The following NTRK1 variants were observed in gnomAD, a reference collection of about 807,000 sequenced individuals.
The protein encoded by NTRK1 is high affinity nerve growth factor receptor.
NTRK1 carries 62 observed loss-of-function variants against 86.8 expected under a neutral mutation model. That is an observed-to-expected ratio of 0.71 (90% CI 0.58 to 0.88). The LOEUF is 0.88. Among genes scored for constraint, NTRK1 ranks in the 40% least tolerant of loss-of-function variants. NTRK1 has a pLI of 0.00. For synonymous variants in NTRK1, 469 were observed against 456.6 expected, an observed-to-expected ratio of 1.03 and a Z score of -0.35; for missense variants, 967 against 1,078.4, an observed-to-expected ratio of 0.90 and a Z score of 1.45.
At chr1:156,843,173 C>G in intron 2 of NTRK1, 1 of 1,614,118 alleles carries the variant, frequency 6.2e-7, no homozygotes, top group African/African-American at 1.3e-5. Context: ...AGAGCCCTGG[C>G]CCAGTTCCCG....
intron 6 of NTRK1, among the ~76,000 whole-genome samples, chr1:156,869,789 A>G (rs1266235433): frequency 2.0e-5 from 3 of 152,238 alleles, no homozygotes. Flanking sequence ...AGCCACAGGT[A>G]ACTCAGTCGG....
chr1:156,866,244 A>G (rs1288306107), intron 3 of NTRK1, among the ~76,000 whole-genome samples: 1 of 152,218 alleles, frequency 6.6e-6, no homozygotes, highest in Non-Finnish European at 1.5e-5. Flanking sequence ...TCAGAGGCAG[A>G]GGGTCCCAGC....
At chr1:156,842,554 C>T (rs974807221) in intron 2 of NTRK1, 3 of 1,495,440 alleles carry the variant, frequency 2.0e-6, no homozygotes, top group Non-Finnish European at 2.8e-6. Context: ...TCCCCTTGAC[C>T]CATTTGGCCA....
At chr1:156,828,623 T>G (rs1654385487) in intron 1 of NTRK1, among the ~76,000 whole-genome samples, 1 of 152,202 alleles carries the variant, frequency 6.6e-6, no homozygotes, top group South Asian at 2.1e-4. Flanking sequence ...GGCACCCGCG[T>G]GGACGAGGAT....
intron 3 of NTRK1, among the ~76,000 whole-genome samples, chr1:156,865,249 C>T (rs1383890998): frequency 3.3e-5 from 5 of 152,176 alleles, no homozygotes; most frequent in Non-Finnish European, 7.4e-5. Flanking sequence ...ACTATCCCTC[C>T]TGTAGAGCAG....
intron 1 of NTRK1, among the ~76,000 whole-genome samples, chr1:156,825,181 A>C (rs527968752): frequency 1.4e-3 from 208 of 152,260 alleles, no homozygotes; most frequent in Non-Finnish European, 2.3e-3. Context: ...GAGCCACTGC[A>C]CCTGGCCCAG....
At chr1:156,878,802 A>T (rs574301950) in intron 14 of NTRK1, among the ~76,000 whole-genome samples, 1 of 152,146 alleles carries the variant, frequency 6.6e-6, no homozygotes, top group East Asian at 1.9e-4. Flanking sequence ...CCGAGCTCCA[A>T]TTGGCAAGGG....
chr1:156,863,349 A>G (rs934724352), intron 1 of NTRK1, among the ~76,000 whole-genome samples: 1 of 144,738 alleles, frequency 6.9e-6, no homozygotes, highest in Non-Finnish European at 1.5e-5. Flanking sequence ...TCTCTGTTTC[A>G]CTCTCTCTTT....
Position 156,881,482 on chromosome 1 carries a change from G to C in NTRK1, c.2231G>C (p.Arg744Pro), listed in dbSNP as rs751281792. The C allele has an allele frequency of 6.3e-7, 1 of 1,582,496 alleles. No individual in the cohort carries two copies. The highest frequency in any genetic ancestry group is 8.6e-7 in the Non-Finnish European group (1 of 1,164,278). ...GCAATCGACTGCATCACGCAGGGAC[G>C]TGAGTTGGAGCGGCCACGTGCCTGC... ...TEAIDCITQG[R>P]ELERPRACPP... The change falls in exon 17 of 17, where the codon CGT becomes CCT. Residue 744 changes from arginine to proline, a missense_variant. By Grantham distance (103) the Arg-to-Pro change is moderately radical (BLOSUM62 -2). Transcript: ENST00000524377.
intron 6 of NTRK1, 30 bp downstream of exon 6, chr1:156,868,677 G>C: frequency 1.3e-6 from 2 of 1,549,156 alleles, no homozygotes; most frequent in Non-Finnish European, 1.7e-6. Flanking sequence ...CAGCCCCCAA[G>C]AGGTCCAGGC....
chr1:156,869,149 G>A (rs913481049), intron 6 of NTRK1, among the ~76,000 whole-genome samples: 15 of 151,046 alleles, frequency 9.9e-5, no homozygotes, highest in South Asian at 2.1e-4. Context: ...TTGACTCACC[G>A]CAACCTCCGC....
chr1:156,853,677 C>A, intron 2 of NTRK1: 1 of 1,421,404 alleles, frequency 7.0e-7, no homozygotes, highest in Non-Finnish European at 9.6e-7. Context: ...TGACCCACAC[C>A]ATCCTGTGGC....
intron 1 of NTRK1, among the ~76,000 whole-genome samples, chr1:156,830,550 C>CTT (rs5778003): frequency 1.8e-3 from 191 of 105,374 alleles, no homozygotes; most frequent in Middle Eastern, 4.3e-3. Flanking sequence ...TTGTGGGATT[C>CTT]TTTTTTTTTT....
At chr1:156,821,293 TG>T (rs1354244479) in intron 1 of NTRK1, among the ~76,000 whole-genome samples, 1 of 152,198 alleles carries the variant, frequency 6.6e-6, no homozygotes, top group Non-Finnish European at 1.5e-5. Flanking sequence ...AGCAATAGTT[TG>T]ACATCCAGTT....
At chr1:156,853,146 G>C (rs1655285377) in intron 2 of NTRK1, among the ~76,000 whole-genome samples, 1 of 151,820 alleles carries the variant, frequency 6.6e-6, no homozygotes, top group Non-Finnish European at 1.5e-5. Context: ...GCTCTCACCT[G>C]TTCAGTTCTT....
intron 2 of NTRK1, among the ~76,000 whole-genome samples, chr1:156,853,023 A>G (rs1038449833): frequency 2.0e-5 from 3 of 152,112 alleles, no homozygotes; most frequent in African/African-American, 7.2e-5. Context: ...TTCCTTTCCT[A>G]TAACGTTTTG....
intron 1 of NTRK1, among the ~76,000 whole-genome samples, chr1:156,816,493 C>A (rs1198217033): frequency 6.6e-6 from 1 of 152,228 alleles, no homozygotes; most frequent in Admixed American, 6.5e-5. Flanking sequence ...CCTTTATCCT[C>A]AGGGATGAGT....
At chr1:156,863,847 C>T (rs1404477873) in intron 1 of NTRK1, among the ~76,000 whole-genome samples, 3 of 152,120 alleles carry the variant, frequency 2.0e-5, no homozygotes, top group Non-Finnish European at 4.4e-5. Context: ...GTACAACCTC[C>T]CACTGATGAG....
chr1:156,821,633 A>C, intron 1 of NTRK1, among the ~76,000 whole-genome samples: 1 of 152,224 alleles, frequency 6.6e-6, no homozygotes, highest in East Asian at 1.9e-4. Flanking sequence ...AAGTGCAGCA[A>C]AAAACAGACG....
Sources: gnomAD v4.1 joint callset for allele counts (sites outside exome capture counted in the v4.1 genomes callset) on GRCh38, gnomAD v4.1.1 for gene constraint, MANE v1.5 for transcripts, NCBI Gene and HGNC (gene_info 2026-07-23, HGNC 2026-07-21) for gene names.